Variants in NDC1 observed in about 807,000 individuals in gnomAD.
The protein encoded by NDC1 is NDC1 transmembrane nucleoporin, also known as nucleoporin NDC1.
A neutral mutation model predicts 89.8 loss-of-function variants in NDC1; 24 were observed. The ratio of observed to expected loss-of-function variants is 0.27; its 90% CI spans 0.19 to 0.38. NDC1 has a LOEUF of 0.38. Among genes scored for constraint, NDC1 ranks in the 10% least tolerant of loss-of-function variants. The pLI is 1.00. For missense variants in NDC1, 728 were observed against 797.6 expected (o/e 0.91, Z 1.05); for synonymous variants, 296 against 284.8 (o/e 1.04, Z -0.39).
chr1:53,827,205 G>A (rs552864556), intron 4 of NDC1, among the ~76,000 whole-genome samples: 1 of 148,892 alleles, frequency 6.7e-6, no homozygotes, highest in African/African-American at 2.5e-5. Flanking sequence ...TAGTAATAAT[G>A]TAACACTGTT....
rs1417019857 is a variant in NDC1, at chr1:53,789,175, C to T, written c.1657G>A (p.Ala553Thr). The T allele has an allele frequency of 1.2e-6, 2 of 1,610,404 alleles. No homozygotes were observed. Among genetic ancestry groups the T allele is most frequent in the Non-Finnish European group, 1.7e-6 (2 of 1,178,164 alleles). ...FSKHPEASIQ[A>T]VFSDAQMHIW... ...TGCATTTGGGCATCTGAAAAAACAG[C>T]CTGAATGGAGGCCTCTGGGTGCTAC... The change falls in exon 15 of 18, where the codon GCT becomes ACT. Residue 553 changes from alanine (A) to threonine (T), a missense_variant. Coordinates refer to ENST00000371429, the MANE Select transcript of NDC1 (RefSeq NM_018087.5).
At chr1:53,772,690 A>ACATAACATAG (rs1647126409) in intron 16 of NDC1, among the ~76,000 whole-genome samples, 3 of 151,550 alleles carry the variant, frequency 2.0e-5, no homozygotes, top group Non-Finnish European at 4.4e-5. Context: ...ACATAACATA[A>ACATAACATAG]CATAACATAA....
intron 2 of NDC1, among the ~76,000 whole-genome samples, chr1:53,833,496 A>G (rs1045963776): frequency 7.9e-5 from 12 of 152,208 alleles, no homozygotes; most frequent in East Asian, 5.8e-4. Flanking sequence ...ATATACCAAC[A>G]AAGTTTTTTC....
At chr1:53,834,757 A>G in intron 2 of NDC1, among the ~76,000 whole-genome samples, 1 of 152,044 alleles carries the variant, frequency 6.6e-6, no homozygotes, top group South Asian at 2.1e-4. Context: ...AGTTATTAAC[A>G]GAAAACAAGT....
chr1:53,795,660 G>A (rs1025373966), intron 13 of NDC1, among the ~76,000 whole-genome samples: 2 of 151,872 alleles, frequency 1.3e-5, no homozygotes, highest in African/African-American at 4.8e-5. Flanking sequence ...TACATACCTA[G>A]ACCTTGACCA....
intron 11 of NDC1, among the ~76,000 whole-genome samples, chr1:53,799,774 A>G (rs1177467149): frequency 1.3e-5 from 2 of 152,176 alleles, no homozygotes; most frequent in African/African-American, 4.8e-5. Flanking sequence ...TTTTCACTAA[A>G]TGCCTGGCTC....
chr1:53,772,595 G>C, intron 16 of NDC1, 106 bp from the exon 17 acceptor site: 1 of 1,014,276 alleles, frequency 9.9e-7, no homozygotes, highest in Non-Finnish European at 1.5e-6. Context: ...AGGACGAGGC[G>C]GGAGGACTGC....
At chr1:53,801,903 T>C (rs1412299965) in intron 10 of NDC1, among the ~76,000 whole-genome samples, 1 of 152,118 alleles carries the variant, frequency 6.6e-6, no homozygotes, top group African/African-American at 2.4e-5. Flanking sequence ...ATTATAGGTG[T>C]GCAACACCAT....
chr1:53,772,953 G>GC (rs953939524), intron 16 of NDC1, among the ~76,000 whole-genome samples: 16 of 150,876 alleles, frequency 1.1e-4, no homozygotes, highest in East Asian at 3.9e-4. Flanking sequence ...CAGTTACCAG[G>GC]CCCCCCCCAA....
intron 16 of NDC1, among the ~76,000 whole-genome samples, chr1:53,781,926 C>A (rs1202568306): frequency 6.6e-6 from 1 of 152,144 alleles, no homozygotes. Flanking sequence ...CAGCAGCCAT[C>A]CAACAAGCAT....
chr1:53,823,310 G>A (rs1470630380), intron 5 of NDC1, among the ~76,000 whole-genome samples: 4 of 152,042 alleles, frequency 2.6e-5, no homozygotes, highest in Non-Finnish European at 4.4e-5. Flanking sequence ...TATATTTTTT[G>A]ACCAAATACT....
intron 14 of NDC1, among the ~76,000 whole-genome samples, chr1:53,792,806 T>C (rs1022727564): frequency 1.3e-5 from 2 of 152,262 alleles, no homozygotes; most frequent in African/African-American, 2.4e-5. Context: ...GTCTGAATTA[T>C]AATTTTTTAT....
intron 1 of NDC1, among the ~76,000 whole-genome samples, chr1:53,837,804 G>A (rs2100702898): frequency 6.6e-6 from 1 of 152,256 alleles, no homozygotes; most frequent in Admixed American, 6.5e-5. Flanking sequence ...CCTGCTTACT[G>A]GACCCTAACC....
chr1:53,789,595 C>T (rs1015725762), intron 14 of NDC1, among the ~76,000 whole-genome samples: 9 of 152,024 alleles, frequency 5.9e-5, no homozygotes, highest in Non-Finnish European at 1.0e-4. Flanking sequence ...GTCAGGAGTT[C>T]GAGACCAGCC....
intron 14 of NDC1, among the ~76,000 whole-genome samples, chr1:53,791,955 T>C (rs1647521288): frequency 1.3e-5 from 2 of 152,056 alleles, no homozygotes; most frequent in Admixed American, 1.3e-4. Flanking sequence ...TCTTTTTTTT[T>C]TTTTTGAGAC....
In NDC1 at chr1:53,772,494, A is replaced by G; in HGVS notation, c.1801-5T>C. The G allele has an allele frequency of 6.2e-7, 1 of 1,612,046 alleles. No individual in the cohort carries two copies. The highest frequency in any genetic ancestry group is 8.5e-7 in the Non-Finnish European group (1 of 1,178,818). On this transcript the variant is annotated splice_polypyrimidine_tract_variant and splice_region_variant and intron_variant, in intron 16 of 17. Transcript: ENST00000371429. ...CTTAAAGTACTTGTCGACTGCCTAC[A>G]CCAAGAAAGAAAACACATCAGTTTA...
At chr1:53,781,744 A>G (rs940453842) in intron 16 of NDC1, among the ~76,000 whole-genome samples, 1 of 152,240 alleles carries the variant, frequency 6.6e-6, no homozygotes, top group African/African-American at 2.4e-5. Flanking sequence ...AGACCAAAGA[A>G]CAGAAAGCCA....
At chr1:53,784,353 G>A (rs1481940685) in intron 16 of NDC1, among the ~76,000 whole-genome samples, 2 of 152,088 alleles carry the variant, frequency 1.3e-5, no homozygotes, top group Non-Finnish European at 2.9e-5. Context: ...TCTGAAGAAA[G>A]AATAAGGGAT....
intron 2 of NDC1, among the ~76,000 whole-genome samples, chr1:53,834,386 C>T (rs970184378): frequency 2.2e-4 from 33 of 152,344 alleles, no homozygotes; most frequent in African/African-American, 5.8e-4. Context: ...TGGCTTATGG[C>T]TTAATTTCAC....
Sources: allele counts gnomAD v4.1 joint callset (sites outside exome capture counted in the v4.1 genomes callset), GRCh38; gene constraint gnomAD v4.1.1; transcripts MANE v1.5; gene names NCBI Gene and HGNC (gene_info 2026-07-23, HGNC 2026-07-21).